MATCAP2: variants seen among roughly 807,000 people sequenced by gnomAD.
The protein encoded by MATCAP2 is microtubule associated tyrosine carboxypeptidase 2.
chr7:36,336,631 T>C, the MATCAP2 span, among the ~76,000 whole-genome samples: 4 of 152,050 alleles, frequency 2.6e-5, no homozygotes. Flanking sequence ...CTAAGATAAT[T>C]TGGTGGTTTG....
the MATCAP2 span, among the ~76,000 whole-genome samples, chr7:36,345,755 T>C: frequency 6.6e-6 from 1 of 152,114 alleles, no homozygotes; most frequent in South Asian, 2.1e-4. Context: ...ATAAAACTCT[T>C]AGAAGCAAGC....
the MATCAP2 span, among the ~76,000 whole-genome samples, chr7:36,383,367 T>A: frequency 6.6e-6 from 1 of 152,194 alleles, no homozygotes; most frequent in Non-Finnish European, 1.5e-5. Context: ...TGCACACATA[T>A]GTTTACTGCG....
the MATCAP2 span, among the ~76,000 whole-genome samples, chr7:36,332,306 A>G: frequency 1.3e-5 from 2 of 152,234 alleles, no homozygotes; most frequent in Non-Finnish European, 2.9e-5. Context: ...GTACAAATTA[A>G]GAAACATTTG....
the MATCAP2 span, chr7:36,324,391 T>C: frequency 6.6e-6 from 1 of 152,258 alleles, no homozygotes; most frequent in Non-Finnish European, 1.5e-5. Context: ...TACTGTCTGG[T>C]GTTAAAACCT....
At chr7:36,332,101 A>C in the MATCAP2 span, among the ~76,000 whole-genome samples, 1 of 152,182 alleles carries the variant, frequency 6.6e-6, no homozygotes, top group Non-Finnish European at 1.5e-5. Context: ...TATACATTTG[A>C]AATTTTCCAT....
At chr7:36,367,112 G>T in the MATCAP2 span, 3 of 1,235,034 alleles carry the variant, frequency 2.4e-6, no homozygotes, top group Non-Finnish European at 2.0e-6. Flanking sequence ...AAGACGTACC[G>T]ACACTGACTG....
At chr7:36,366,467 CTGTT>C in the MATCAP2 span, among the ~76,000 whole-genome samples, 1 of 152,302 alleles carries the variant, frequency 6.6e-6, no homozygotes, top group African/African-American at 2.4e-5. Context: ...AACGTTCTCA[CTGTT>C]TAAGAATAAA....
the MATCAP2 span, among the ~76,000 whole-genome samples, chr7:36,337,508 C>T: frequency 2.0e-5 from 3 of 152,274 alleles, no homozygotes; most frequent in East Asian, 3.9e-4. Flanking sequence ...AATTCATATA[C>T]ATGTCATATA....
chr7:36,332,022 A>G, the MATCAP2 span, among the ~76,000 whole-genome samples: 2 of 152,244 alleles, frequency 1.3e-5, no homozygotes, highest in African/African-American at 4.8e-5. Flanking sequence ...AACCACAGTT[A>G]GAAAATGTTG....
the MATCAP2 span, among the ~76,000 whole-genome samples, chr7:36,359,025 T>C: frequency 6.6e-6 from 1 of 152,212 alleles, no homozygotes; most frequent in Non-Finnish European, 1.5e-5. Flanking sequence ...CAATAAGTGT[T>C]CACTGAATAA....
the MATCAP2 span, among the ~76,000 whole-genome samples, chr7:36,379,272 G>T: frequency 6.6e-6 from 1 of 152,162 alleles, no homozygotes; most frequent in African/African-American, 2.4e-5. Flanking sequence ...AAGTCAGTGG[G>T]GCTGATGAGA....
chr7:36,367,226 C>G, the MATCAP2 span: 9 of 1,142,824 alleles, frequency 7.9e-6, no homozygotes, highest in Non-Finnish European at 8.6e-6. Flanking sequence ...GCCGCTCCGC[C>G]GGTTGCTAGG....
the MATCAP2 span, among the ~76,000 whole-genome samples, chr7:36,382,587 G>T: frequency 6.6e-6 from 1 of 152,056 alleles, no homozygotes; most frequent in Non-Finnish European, 1.5e-5. Context: ...CCGCCTCCCG[G>T]GTTCACACCA....
the MATCAP2 span, among the ~76,000 whole-genome samples, chr7:36,346,667 C>T: frequency 6.6e-6 from 1 of 152,134 alleles, no homozygotes; most frequent in East Asian, 1.9e-4. Flanking sequence ...TACAGTGTTT[C>T]TTTTTGAGGT....
the MATCAP2 span, among the ~76,000 whole-genome samples, chr7:36,358,034 C>A: frequency 1.3e-5 from 2 of 151,588 alleles, no homozygotes; most frequent in Non-Finnish European, 2.9e-5. Context: ...CTGTCTCTAC[C>A]AAAAAATACA....
chr7:36,373,103 TAAA>T, the MATCAP2 span, among the ~76,000 whole-genome samples: 1,564 of 116,138 alleles, frequency 0.013, 12 homozygotes, highest in Non-Finnish European at 0.022. Context: ...AGACTTCATC[TAAA>T]AAAAAAAAAA....
chr7:36,335,239 C>T, the MATCAP2 span: 19 of 1,495,948 alleles, frequency 1.3e-5, no homozygotes, highest in South Asian at 1.9e-4. Flanking sequence ...AGGGGAGAAG[C>T]TTTCACAGAA....
chr7:36,355,322 A>G, the MATCAP2 span: 1 of 152,188 alleles, frequency 6.6e-6, no homozygotes, highest in Non-Finnish European at 1.5e-5. Flanking sequence ...TCTTTACTCC[A>G]TTTTACAATG....
the MATCAP2 span, among the ~76,000 whole-genome samples, chr7:36,330,607 C>T: frequency 0.94 from 142,895 of 152,190 alleles, 67,259 homozygotes; most frequent in South Asian, 0.98. Context: ...TTTAATAAAT[C>T]TCTTTTTATT....
Sources: allele counts gnomAD v4.1 joint callset (sites outside exome capture counted in the v4.1 genomes callset), GRCh38; gene constraint gnomAD v4.1.1; transcripts MANE v1.5; gene names NCBI Gene and HGNC (gene_info 2026-07-23, HGNC 2026-07-21).